The following TJP1 variants were observed in gnomAD, a reference collection of about 807,000 sequenced individuals.
TJP1 encodes the protein tight junction protein 1, also known as tight junction protein ZO-1.
TJP1 carries 43 observed loss-of-function variants against 194.2 expected under a neutral mutation model. The ratio of observed to expected loss-of-function variants is 0.22; its 90% CI spans 0.17 to 0.29. The LOEUF (loss-of-function observed/expected upper bound fraction) is 0.29. Ranked by LOEUF, TJP1 falls within the 10% of genes least tolerant of loss-of-function variation. The pLI is 1.00. For synonymous variants in TJP1, 801 were observed against 779.0 expected, an observed-to-expected ratio of 1.03 and a Z score of -0.47; for missense variants, 1,971 against 2,185.7, an observed-to-expected ratio of 0.90 and a Z score of 1.96.
chr15:29,822,649 G>A (rs907983779), upstream of TJP1: 4 of 222,814 alleles, frequency 1.8e-5, no homozygotes, highest in Non-Finnish European at 3.0e-5. Flanking sequence ...TAACTTGGAA[G>A]ACAGTTTCCG....
intron 11 of TJP1, among the ~76,000 whole-genome samples, chr15:29,736,369 A>G (rs936104128): frequency 6.6e-6 from 1 of 152,228 alleles, no homozygotes; most frequent in African/African-American, 2.4e-5. Flanking sequence ...AAGTGAACAA[A>G]GCTACAAGAT....
chr15:29,730,159 C>T (rs559418977), intron 15 of TJP1, among the ~76,000 whole-genome samples: 1 of 151,808 alleles, frequency 6.6e-6, no homozygotes, highest in African/African-American at 2.4e-5. Flanking sequence ...TAAAACTTTG[C>T]CAAAATATGC....
rs769622053 is a variant in TJP1 at position 29,773,386 on chromosome 15, C to T, written c.85-29G>A. On this transcript the variant is annotated intron_variant, in intron 2 of 27. Coordinates refer to ENST00000614355, the MANE Select transcript of TJP1 (RefSeq NM_001330239.4). ...AAGTAAAAATTACAGTAAAATATTG[C>T]TATTAAGGACAAAAATAATTGTTAT... 96 of 1,606,136 alleles carry T rather than the reference C, an allele frequency of 6.0e-5. 1 individual carries two copies. In the East Asian group the frequency reaches 2.1e-3, roughly 36 times the overall value.
chr15:29,793,669 T>C (rs576496799), intron 2 of TJP1, among the ~76,000 whole-genome samples: 4 of 152,018 alleles, frequency 2.6e-5, no homozygotes, highest in African/African-American at 4.8e-5. Flanking sequence ...ACTAACTATA[T>C]AGTAGCAAGG....
intron 2 of TJP1, among the ~76,000 whole-genome samples, chr15:29,944,063 T>G (rs1225798151): frequency 6.6e-6 from 1 of 151,446 alleles, no homozygotes; most frequent in Non-Finnish European, 1.5e-5. Flanking sequence ...AACAGGTACT[T>G]GACTTTAAAT....
intron 1 of TJP1, among the ~76,000 whole-genome samples, chr15:29,958,217 A>G (rs919215913): frequency 6.6e-6 from 1 of 151,320 alleles, no homozygotes; most frequent in East Asian, 1.9e-4. Context: ...TCCCATCTAC[A>G]TTTTTATATT....
At position 29,922,171 on chromosome 15, in the gene TJP1, G is replaced by C. The variant is rs138410884; in HGVS notation, c.306+34061C>G. ...CTTTTTCTTTTCATTCTTTGCTCAA[G>C]TATTTTAAAGGAACTCAGACTTCTT... is the stretch of plus-strand genomic sequence containing the variant. On this transcript the variant is annotated intron_variant, in intron 2 of 28. Coordinates refer to the TJP1 transcript ENST00000356107. 3.9e-4 allele frequency among the ~76,000 whole-genome samples: 60 copies of C among 152,106 alleles called. 1 individual carries two copies. Among genetic ancestry groups the C allele is most frequent in the African/African-American group, 1.3e-3 (56 of 41,506 alleles).
Position 29,718,959 on chromosome 15 carries a change from G to A in TJP1, c.3183C>T (p.Tyr1061=), listed in dbSNP as rs1211175612. The change falls in exon 21 of 28, where the codon TAC becomes TAT. Residue 1061 remains tyrosine (Y), a synonymous_variant. Transcript: ENST00000614355. ...SRDLEQPTYR[Y]ESSSYTDQFS... ...ACTGGTCCGTATAGCTTGAGGACTC[G>A]TATCTGTATGTGGGCTGCTCGAGGT... 17 of 1,614,018 alleles carry A rather than the reference G, an allele frequency of 1.1e-5. No individual in the cohort carries two copies. Among genetic ancestry groups the A allele is most frequent in the African/African-American group, 1.3e-5 (1 of 74,910 alleles).
In TJP1 at chr15:29,719,073, G is replaced by T; in HGVS notation, c.3069C>A (p.Ala1023=). The change falls in exon 21 of 28, where the codon GCC becomes GCA. Residue 1023 remains alanine (A), a synonymous_variant. Transcript: ENST00000614355. ...CTGGCCTGTGCCCTGGGTGACTAAC[G>T]GCTGGCTGTTTCAAAACATGGTTCT... The part of the protein sequence containing the change: ...MRQNHVLKQP[A]VSHPGHRPDK... 1 of 1,614,106 alleles carries T rather than the reference G, an allele frequency of 6.2e-7. No homozygotes were observed. Among genetic ancestry groups the T allele is most frequent in the South Asian group, 1.1e-5 (1 of 91,076 alleles).
At chr15:29,946,772 A>T (rs1596304998) in intron 2 of TJP1, among the ~76,000 whole-genome samples, 1 of 152,346 alleles carries the variant, frequency 6.6e-6, no homozygotes, top group East Asian at 1.9e-4. Context: ...CCAAACCCTT[A>T]ACATTATGCC....
chr15:29,739,042 T>C (rs564299941), intron 10 of TJP1, among the ~76,000 whole-genome samples: 149 of 152,132 alleles, frequency 9.8e-4, no homozygotes, highest in Non-Finnish European at 1.8e-3. Flanking sequence ...AGGCCCTGTC[T>C]CTTTAAAACA....
At chr15:29,824,563 TA>T (rs556878798), upstream of TJP1, among the ~76,000 whole-genome samples, 286 of 144,840 alleles carry the variant, frequency 2.0e-3, no homozygotes, top group African/African-American at 5.3e-3. Context: ...GAGACCCCAT[TA>T]AAAAAAAAAA....
At chr15:29,736,033 G>A (rs1317110732) in intron 11 of TJP1, among the ~76,000 whole-genome samples, 5 of 151,942 alleles carry the variant, frequency 3.3e-5, no homozygotes, top group Non-Finnish European at 7.4e-5. Context: ...AAAGAGGCAG[G>A]AAAAGAATAA....
intron 2 of TJP1, among the ~76,000 whole-genome samples, chr15:29,937,863 G>T (rs2054935118): frequency 6.6e-6 from 1 of 152,160 alleles, no homozygotes; most frequent in African/African-American, 2.4e-5. Flanking sequence ...TAGAAAAGAA[G>T]TTCAATTATC....
chr15:29,762,254 C>T, intron 6 of TJP1, 81 bp downstream of exon 6: 1 of 1,206,010 alleles, frequency 8.3e-7, no homozygotes, highest in Non-Finnish European at 1.2e-6. Context: ...AAAACTGCTT[C>T]AAACAAGAGC....
At chr15:29,837,160 CA>C (rs2051063593) in intron 2 of TJP1, among the ~76,000 whole-genome samples, 1 of 152,094 alleles carries the variant, frequency 6.6e-6, no homozygotes, top group Admixed American at 6.5e-5. Context: ...ATTATTTAAA[CA>C]GAACAACAAT....
intron 2 of TJP1, among the ~76,000 whole-genome samples, chr15:29,853,879 G>A (rs192983054): frequency 6.6e-6 from 1 of 152,234 alleles, no homozygotes; most frequent in Admixed American, 6.5e-5. Context: ...CATTACATGG[G>A]AATAAAATGA....
intron 27 of TJP1, among the ~76,000 whole-genome samples, chr15:29,702,015 T>C (rs770657196): frequency 6.6e-6 from 1 of 152,204 alleles, no homozygotes; most frequent in Non-Finnish European, 1.5e-5. Context: ...TTTCAAAAAA[T>C]GAATACAAGT....
intron 27 of TJP1, among the ~76,000 whole-genome samples, chr15:29,703,127 G>A (rs1351014561): frequency 6.6e-6 from 1 of 152,164 alleles, no homozygotes; most frequent in Non-Finnish European, 1.5e-5. Flanking sequence ...ATCTTGTTAA[G>A]TTTCTCTGGT....
Sources: gnomAD v4.1 joint callset for allele counts (sites outside exome capture counted in the v4.1 genomes callset) on GRCh38, gnomAD v4.1.1 for gene constraint, MANE v1.5 for transcripts, NCBI Gene and HGNC (gene_info 2026-07-23, HGNC 2026-07-21) for gene names.